Variants in AFAP1 observed in about 807,000 individuals in gnomAD.
AFAP1 encodes the protein actin filament-associated protein 1.
In AFAP1, 75 loss-of-function variants were observed where a neutral mutation model predicts 93.9. The observed-to-expected ratio is 0.80, with a 90% CI of 0.66 to 0.97. The LOEUF (loss-of-function observed/expected upper bound fraction) is 0.97. Among genes scored for constraint, AFAP1 ranks in the 50% least tolerant of loss-of-function variants. The probability of loss-of-function intolerance (pLI) is 0.00; values close to 1 mark genes in which losing one functional copy is unlikely to be tolerated. For missense variants in AFAP1, 1,201 were observed against 1,050.8 expected (o/e 1.14, Z -1.98); for synonymous variants, 517 against 430.7 (o/e 1.20, Z -2.48).
At chr4:7,888,070 G>A (rs554529170) in intron 1 of AFAP1, among the ~76,000 whole-genome samples, 1 of 152,064 alleles carries the variant, frequency 6.6e-6, no homozygotes, top group African/African-American at 2.4e-5. Flanking sequence ...CAAGTTATCT[G>A]CCCACCTCGG....
At chr4:7,849,023 T>G (rs139457553) in intron 4 of AFAP1, among the ~76,000 whole-genome samples, 137 of 152,300 alleles carry the variant, frequency 9.0e-4, no homozygotes, top group African/African-American at 2.2e-3. Context: ...CAAGGGGCCA[T>G]GCCTTCTCTC....
intron 1 of AFAP1, among the ~76,000 whole-genome samples, chr4:7,872,576 G>C (rs928745538): frequency 2.0e-5 from 3 of 152,160 alleles, no homozygotes; most frequent in African/African-American, 7.2e-5. Flanking sequence ...TGCCGAGGCT[G>C]GTGTAAATAC....
intron 8 of AFAP1, among the ~76,000 whole-genome samples, chr4:7,812,792 T>C (rs1160034854): frequency 1.3e-5 from 2 of 152,228 alleles, no homozygotes; most frequent in East Asian, 1.9e-4. Flanking sequence ...AGGTGCTTTT[T>C]AGTATTATTA....
intron 9 of AFAP1, among the ~76,000 whole-genome samples, chr4:7,808,147 G>A (rs902573012): frequency 3.3e-5 from 5 of 152,170 alleles, no homozygotes; most frequent in Non-Finnish European, 7.3e-5. Flanking sequence ...TGAGTGAGCC[G>A]CAATAGTACA....
chr4:7,883,185 C>CAAAAA (rs34238719), intron 1 of AFAP1, among the ~76,000 whole-genome samples: 3 of 49,964 alleles, frequency 6.0e-5, no homozygotes, highest in South Asian at 8.1e-4. Flanking sequence ...AACCCTATCT[C>CAAAAA]AAAAAAAAAA....
At chr4:7,799,103 A>C (rs1444426722) in intron 10 of AFAP1, 1 of 985,428 alleles carries the variant, frequency 1.0e-6, no homozygotes, top group Non-Finnish European at 1.2e-6. Flanking sequence ...TTCGTGTTTT[A>C]CGGTGGGTAA....
intron 1 of AFAP1, among the ~76,000 whole-genome samples, chr4:7,921,264 G>A (rs1720429263): frequency 7.0e-6 from 1 of 143,466 alleles, no homozygotes; most frequent in Admixed American, 7.5e-5. Context: ...GCTCACTGCA[G>A]CCTCTGCCTC....
intron 10 of AFAP1, among the ~76,000 whole-genome samples, chr4:7,796,558 G>A (rs995386641): frequency 6.6e-6 from 1 of 151,124 alleles, no homozygotes; most frequent in Non-Finnish European, 1.5e-5. Context: ...GACCATCCTG[G>A]CTAACACGGT....
chr4:7,798,033 A>T (rs912802306), intron 10 of AFAP1, among the ~76,000 whole-genome samples: 8 of 152,208 alleles, frequency 5.3e-5, no homozygotes, highest in African/African-American at 1.9e-4. Flanking sequence ...ATTATCTCAA[A>T]ACAAAAGTTA....
chr4:7,848,791 C>T (rs1202399895), intron 4 of AFAP1, among the ~76,000 whole-genome samples: 2 of 152,210 alleles, frequency 1.3e-5, no homozygotes, highest in Non-Finnish European at 2.9e-5. Flanking sequence ...CACCACCACA[C>T]TCTTCTTCAC....
chr4:7,793,043 T>C (rs1449862158), intron 11 of AFAP1, among the ~76,000 whole-genome samples: 1 of 152,338 alleles, frequency 6.6e-6, no homozygotes. Context: ...AGAAAGGGTC[T>C]GGAAAATCTC....
chr4:7,844,953 C>A (rs1207954838), intron 4 of AFAP1, among the ~76,000 whole-genome samples: 1 of 152,242 alleles, frequency 6.6e-6, no homozygotes, highest in Non-Finnish European at 1.5e-5. Context: ...GGTTGCAATA[C>A]TGTGCAAAAT....
At chr4:7,782,704 C>T (rs1011586427) in intron 12 of AFAP1, among the ~76,000 whole-genome samples, 20 of 152,180 alleles carry the variant, frequency 1.3e-4, no homozygotes, top group Admixed American at 7.2e-4. Flanking sequence ...CCTTTTACCC[C>T]GTTGATAGTC....
rs1329305745 is a variant in AFAP1, at chr4:7,759,199, C to G, written c.*4566G>C. The G allele has an allele frequency of 6.6e-6, 1 of 152,590 alleles. No individual in the cohort carries two copies. The highest frequency in any genetic ancestry group is 2.4e-5 in the African/African-American group (1 of 41,436). 9.5% of individuals were successfully genotyped at this position (152,590 alleles called of 1,614,324 possible). A position where few individuals can be genotyped will look rare whatever the true frequency, so the allele number is the denominator to read the frequency against. On this transcript the variant is annotated 3_prime_UTR_variant, in exon 18 of 18. Coordinates refer to ENST00000420658, the MANE Select transcript of AFAP1 (RefSeq NM_001134647.2). Reference sequence around the variant, plus strand: ...TGTTAGAAAATCAAAAAGATTATCTCATTAAAAACACCTTTGGTCCTAAGA... The same window carrying G: ...TGTTAGAAAATCAAAAAGATTATCTGATTAAAAACACCTTTGGTCCTAAGA...
intron 4 of AFAP1, among the ~76,000 whole-genome samples, chr4:7,847,710 T>C (rs898698843): frequency 6.7e-6 from 1 of 150,370 alleles, no homozygotes; most frequent in Non-Finnish European, 1.5e-5. Context: ...GGGAAAAGAA[T>C]TCCTGATTGC....
intron 7 of AFAP1, among the ~76,000 whole-genome samples, chr4:7,818,491 G>T (rs188041415): frequency 6.3e-4 from 96 of 152,300 alleles, no homozygotes; most frequent in Middle Eastern, 3.4e-3. Context: ...AGGTTTCATG[G>T]CAGGAAGCCA....
Position 7,857,451 on chromosome 4 carries a change from C to A in AFAP1, c.226-1877G>T, listed in dbSNP as rs73210862. ...CAGAGAGTTACCTCCCTCCCGCCCC[C>A]CGTCCTTGTTCCCGAGGCTAAATAA... is the stretch of plus-strand genomic sequence containing the variant. On this transcript the variant is annotated intron_variant, in intron 3 of 17. Coordinates refer to ENST00000420658, the MANE Select transcript of AFAP1 (RefSeq NM_001134647.2). 7.9e-5 allele frequency among the ~76,000 whole-genome samples: 12 copies of A among 152,216 alleles called. No homozygotes were observed. In the South Asian group the frequency reaches 2.1e-3, roughly 26 times the overall value.
chr4:7,850,809 C>T (rs796585433), intron 4 of AFAP1, among the ~76,000 whole-genome samples: 3 of 152,356 alleles, frequency 2.0e-5, no homozygotes, highest in South Asian at 2.1e-4. Context: ...GTGCGGGTCA[C>T]TTGTGTCACT....
At chr4:7,877,921 C>G (rs1179611102) in intron 1 of AFAP1, among the ~76,000 whole-genome samples, 2 of 152,176 alleles carry the variant, frequency 1.3e-5, no homozygotes, top group African/African-American at 4.8e-5. Context: ...TCCCAGGACG[C>G]AGGTGCAGCT....
Sources: gnomAD v4.1 joint callset for allele counts (sites outside exome capture counted in the v4.1 genomes callset) on GRCh38, gnomAD v4.1.1 for gene constraint, MANE v1.5 for transcripts, NCBI Gene and HGNC (gene_info 2026-07-23, HGNC 2026-07-21) for gene names.